Variants in EMSY observed in about 807,000 individuals in gnomAD.
EMSY encodes EMSY transcriptional repressor, BRCA2 interacting, also known as BRCA2-interacting transcriptional repressor EMSY.
Under a neutral mutation model 134.6 loss-of-function variants are expected in EMSY, and 26 were observed. That is an observed-to-expected ratio of 0.19 (90% confidence interval 0.14 to 0.27). The LOEUF (loss-of-function observed/expected upper bound fraction) is 0.27. Ranked by LOEUF, EMSY falls within the 10% of genes least tolerant of loss-of-function variation. The pLI is 1.00. For missense variants in EMSY, 1,305 were observed against 1,611.4 expected, an observed-to-expected ratio of 0.81 and a Z score of 3.26; for synonymous variants, 579 against 577.8, an observed-to-expected ratio of 1.00 and a Z score of -0.03.
In EMSY at chr11:76,510,071, CTGGCTGTGTT is replaced by C. The variant is rs568807765; in HGVS notation, c.1364-3311_1364-3302del. ...TGTCTCTAATAAAAAAATTAATAAA[CTGGCTGTGTT>C]TGGTGGCTCATGCCTGTAATCCCAG... is the stretch of plus-strand genomic sequence containing the variant. On this transcript the variant is annotated intron_variant, in intron 9 of 20. Transcript: ENST00000334736. Among the ~76,000 whole-genome samples the C allele has an allele frequency of 2.4e-4, 36 of 152,292 alleles. No homozygotes were observed. The East Asian group carries it at 6.9e-3, about 29-fold the overall frequency.
Position 76,528,547 on chromosome 11 carries a change from A to G in EMSY, c.2194+81A>G, listed in dbSNP as rs546636004. 76 of 939,048 alleles carry G rather than the reference A, an allele frequency of 8.1e-5. No individual in the cohort carries two copies. The Admixed American group carries it at 1.7e-3, about 21-fold the overall frequency. 58.2% of individuals were successfully genotyped at this position (939,048 alleles called of 1,614,324 possible). The stretch of plus-strand genomic sequence containing the variant: ...TCTAAAATAGAGGTTGCTTCTACAC[A>G]TTTCACAACAAATTTGTATGCTCTA... On this transcript the variant is annotated intron_variant, in intron 14 of 20. Transcript: ENST00000334736.
chr11:76,535,816 CAA>C (rs1199962240), intron 14 of EMSY, 77 bp from the exon 16 acceptor site: 4 of 1,139,954 alleles, frequency 3.5e-6, no homozygotes, highest in Non-Finnish European at 4.6e-6. Context: ...AGCAAACAGA[CAA>C]AAAAATTGTT....
chr11:76,506,575 G>A (rs1950085827), intron 9 of EMSY, among the ~76,000 whole-genome samples: 1 of 152,052 alleles, frequency 6.6e-6, no homozygotes, highest in Non-Finnish European at 1.5e-5. Context: ...CACAAAAAGT[G>A]AATTACAAAG....
At chr11:76,475,828 CAT>C (rs1948751562) in intron 8 of EMSY, among the ~76,000 whole-genome samples, 1 of 152,126 alleles carries the variant, frequency 6.6e-6, no homozygotes, top group Non-Finnish European at 1.5e-5. Context: ...GGACTAGAGA[CAT>C]ATTGTTTTAG....
chr11:76,463,947 T>C (rs375440328), exon 7 of EMSY: 91 of 1,614,084 alleles, frequency 5.6e-5, no homozygotes, highest in Non-Finnish European at 7.4e-5. Context: ...ACGATCACTG[T>C]GCCTGTGAGT....
intron 6 of EMSY, among the ~76,000 whole-genome samples, chr11:76,462,349 G>A (rs1173523739): frequency 2.6e-5 from 4 of 152,210 alleles, no homozygotes; most frequent in Admixed American, 2.6e-4. Context: ...ATTGCTTTAT[G>A]CTCAGAAGTC....
intron 8 of EMSY, among the ~76,000 whole-genome samples, chr11:76,489,761 C>T (rs936264417): frequency 2.0e-5 from 3 of 152,190 alleles, no homozygotes; most frequent in South Asian, 2.1e-4. Context: ...TGCACCACCA[C>T]GCCTGACTAA....
At chr11:76,502,044 G>GAAAAAAAAAAAAAAAAAAAAA (rs57263473) in intron 9 of EMSY, among the ~76,000 whole-genome samples, 1 of 93,098 alleles carries the variant, frequency 1.1e-5, no homozygotes, top group Non-Finnish European at 2.2e-5. Context: ...CATTTGAAAT[G>GAAAAAAAAAAAAAAAAAAAAA]AAAAAAAAAA....
intron 7 of EMSY, among the ~76,000 whole-genome samples, chr11:76,470,144 T>C (rs922235698): frequency 7.9e-5 from 12 of 152,294 alleles, no homozygotes; most frequent in African/African-American, 2.6e-4. Flanking sequence ...AGTACAGATA[T>C]ATTCAGTAAA....
At chr11:76,547,401 A>G (rs1420686380) in intron 20 of EMSY, among the ~76,000 whole-genome samples, 4 of 152,250 alleles carry the variant, frequency 2.6e-5, no homozygotes, top group African/African-American at 9.6e-5. Context: ...TTGTAAAAAC[A>G]AATGTAAATG....
intron 9 of EMSY, among the ~76,000 whole-genome samples, chr11:76,513,012 A>G (rs1476915332): frequency 6.6e-6 from 1 of 152,156 alleles, no homozygotes; most frequent in Non-Finnish European, 1.5e-5. Context: ...AAAGCACATT[A>G]CCTTTTGTTT....
At chr11:76,448,227 T>G (rs1390620398) in intron 2 of EMSY, among the ~76,000 whole-genome samples, 1 of 152,200 alleles carries the variant, frequency 6.6e-6, no homozygotes, top group Non-Finnish European at 1.5e-5. Flanking sequence ...TCCTTTTTAT[T>G]CCACCCAAGG....
intron 5 of EMSY, chr11:76,459,016 G>A (rs1947995151): frequency 6.6e-6 from 1 of 152,214 alleles, no homozygotes; most frequent in South Asian, 2.1e-4. Flanking sequence ...TGCTTACCTA[G>A]CAATGGCCAT....
In EMSY at chr11:76,458,200, G is replaced by C. The variant is rs761956930; in HGVS notation, c.263G>C (p.Ser88Thr). 3.1e-6 allele frequency: 5 copies of C among 1,613,064 alleles called. No homozygotes were observed. In the East Asian group the frequency reaches 8.9e-5, roughly 29 times the overall value. Residue 88 changes from serine to threonine, a missense_variant, in exon 5 of 21, where the codon AGC (serine) becomes ACC (threonine). Ser to Thr is a moderately conservative substitution (Grantham distance 58, BLOSUM62 1). Around this residue, in one of 7 missense-constraint regions of EMSY, gnomAD observed 205 missense variants for 268.6 expected, o/e 0.76. Coordinates refer to ENST00000334736, the Ensembl canonical transcript of EMSY. ...TTGTTTAGTATGTCTGGACCTAATAGCTCTTCAGAATGGTCCATTGAAGGT... is the reference window on the plus strand; with the variant it reads ...TTGTTTAGTATGTCTGGACCTAATACCTCTTCAGAATGGTCCATTGAAGGT...
At chr11:76,460,025 C>T (rs2135065653) in exon 6 of EMSY, 1 of 1,614,190 alleles carries the variant, frequency 6.2e-7, no homozygotes, top group Non-Finnish European at 8.5e-7. Context: ...GTCTCCAAGA[C>T]CTGCCAGTCC....
rs573842177 is a variant in EMSY at position 76,495,020 on chromosome 11, G to A, written c.1109-1195G>A. 2.1e-3 allele frequency among the ~76,000 whole-genome samples: 324 copies of A among 152,302 alleles called. 1 individual carries two copies. Among genetic ancestry groups the A allele is most frequent in the African/African-American group, 7.6e-3 (315 of 41,564 alleles). ...CAAAGTGTTGGGATTACAGGCGTGA[G>A]CCACTGTGCCCGGCCTTCTTGTCTC... is the stretch of plus-strand genomic sequence containing the variant. On this transcript the variant is annotated intron_variant, in intron 8 of 20. Coordinates refer to ENST00000334736, the Ensembl canonical transcript of EMSY.
rs184968549 is a variant in EMSY at position 76,477,387 on chromosome 11, A to G, written c.1108+4547A>G. ...GTAGTTCCAAAATCAAATCCACAAA[A>G]TCAGGTATGTTCTGAGAAGTCTGTT... On this transcript the variant is annotated intron_variant, in intron 8 of 20. Transcript: ENST00000334736. Among the ~76,000 whole-genome samples, 116 of 151,914 alleles carry G rather than the reference A, an allele frequency of 7.6e-4. 1 individual carries two copies. The highest frequency in any genetic ancestry group is 2.5e-3 in the African/African-American group (105 of 41,532).
At chr11:76,537,690 C>A in intron 15 of EMSY, 105 bp from the exon 17 acceptor site, 1 of 992,878 alleles carries the variant, frequency 1.0e-6, no homozygotes, top group Non-Finnish European at 1.5e-6. Flanking sequence ...TTAGTCACTG[C>A]CAGTGTGGCA....
intron 8 of EMSY, among the ~76,000 whole-genome samples, chr11:76,480,030 G>A (rs1948909559): frequency 6.6e-6 from 1 of 152,210 alleles, no homozygotes; most frequent in African/African-American, 2.4e-5. Context: ...AAAATTTGTG[G>A]TGATAAAGCA....
Sources: gnomAD v4.1 joint callset for allele counts (sites outside exome capture counted in the v4.1 genomes callset) on GRCh38, gnomAD v4.1.1 for gene constraint, gnomAD v4.1.1 regional missense constraint, MANE v1.5 for transcripts, NCBI Gene and HGNC (gene_info 2026-07-23, HGNC 2026-07-21) for gene names.